The following CATSPERB variants were observed in gnomAD, a reference collection of about 807,000 sequenced individuals.
CATSPERB encodes cation channel sperm-associated auxiliary subunit beta.
Under a neutral mutation model 128.3 loss-of-function variants are expected in CATSPERB, and 93 were observed. That is an observed-to-expected ratio of 0.72 (90% CI 0.61 to 0.86). The LOEUF (loss-of-function observed/expected upper bound fraction) is 0.86, where lower values mean the gene tolerates loss of function less well. CATSPERB is among the 40% of genes least tolerant of loss of function. The pLI, the probability that CATSPERB is intolerant of heterozygous loss-of-function variation, is 0.00. For missense variants in CATSPERB, 1,153 were observed against 1,329.5 expected, an observed-to-expected ratio of 0.87 and a Z score of 2.06; for synonymous variants, 381 against 448.8, an observed-to-expected ratio of 0.85 and a Z score of 1.91.
intron 17 of CATSPERB, among the ~76,000 whole-genome samples, chr14:91,631,820 C>G (rs1894283693): frequency 1.3e-5 from 2 of 152,050 alleles, no homozygotes; most frequent in African/African-American, 4.8e-5. Flanking sequence ...TAGATACTGA[C>G]TAGACACCCA....
chr14:91,665,623 A>G (rs1894971247), intron 14 of CATSPERB, among the ~76,000 whole-genome samples: 1 of 152,144 alleles, frequency 6.6e-6, no homozygotes, highest in Non-Finnish European at 1.5e-5. Flanking sequence ...TAATCCCAGC[A>G]CTTTGGGAGG....
intron 2 of CATSPERB, among the ~76,000 whole-genome samples, chr14:91,728,851 T>G (rs757645976): frequency 1.2e-4 from 18 of 152,180 alleles, no homozygotes; most frequent in Non-Finnish European, 2.4e-4. Flanking sequence ...CAGAAAAAAA[T>G]GCCATTTATG....
intron 6 of CATSPERB, among the ~76,000 whole-genome samples, chr14:91,706,111 T>G (rs1895727524): frequency 6.6e-6 from 1 of 152,216 alleles, no homozygotes; most frequent in Non-Finnish European, 1.5e-5. Context: ...TCCCCAACTT[T>G]CAATAAAATC....
rs768655600 is a variant in CATSPERB, at chr14:91,589,631, A to G, written c.2859T>C (p.Val953=). The part of the protein sequence containing the change: ...RFKFPITQYP[V]SLEIINEDGR... ...CATCCTCGTTGATAATTTCCAAAGA[A>G]ACTGGATATTGTGTAATTGGAAACT... Residue 953 remains valine (V), a synonymous_variant, in exon 24 of 27, where the codon GTT becomes GTC. Transcript: ENST00000256343. 6.2e-7 allele frequency: 1 copy of G among 1,613,918 alleles called. No individual in the cohort carries two copies. Among genetic ancestry groups the G allele is most frequent in the South Asian group, 1.1e-5 (1 of 91,046 alleles).
chr14:91,688,910 C>T (rs978506217), intron 10 of CATSPERB, among the ~76,000 whole-genome samples: 3 of 152,148 alleles, frequency 2.0e-5, no homozygotes, highest in Non-Finnish European at 4.4e-5. Flanking sequence ...TTGCCTTATC[C>T]ACCAGCGACT....
chr14:91,728,682 C>T (rs887648275), intron 2 of CATSPERB, among the ~76,000 whole-genome samples: 5 of 152,176 alleles, frequency 3.3e-5, no homozygotes, highest in Non-Finnish European at 5.9e-5. Context: ...ATTACTCTTT[C>T]GCAAGCTTCT....
At chr14:91,725,828 G>A (rs1896110780) in intron 2 of CATSPERB, among the ~76,000 whole-genome samples, 1 of 152,174 alleles carries the variant, frequency 6.6e-6, no homozygotes, top group Admixed American at 6.5e-5. Context: ...ATGAAAACAG[G>A]CATTTCTGTT....
chr14:91,659,218 T>A (rs933998492), intron 15 of CATSPERB, among the ~76,000 whole-genome samples: 7 of 152,228 alleles, frequency 4.6e-5, no homozygotes, highest in Non-Finnish European at 1.0e-4. Flanking sequence ...ATGACAGATA[T>A]GCTAATTACC....
intron 17 of CATSPERB, among the ~76,000 whole-genome samples, chr14:91,633,563 T>G (rs1018361146): frequency 6.6e-6 from 1 of 151,828 alleles, no homozygotes; most frequent in Non-Finnish European, 1.5e-5. Context: ...GCAAACCGAG[T>G]CCAGAAATGT....
chr14:91,684,363 A>G (rs1421754073), intron 10 of CATSPERB, among the ~76,000 whole-genome samples: 1 of 152,198 alleles, frequency 6.6e-6, no homozygotes, highest in African/African-American at 2.4e-5. Flanking sequence ...AGGTTTTGAA[A>G]ATTGGTCATG....
Position 91,581,036 on chromosome 14 carries a change from T to C in CATSPERB, c.3204A>G (p.Leu1068=), listed in dbSNP as rs1191404552. The part of the protein sequence containing the change: ...TLIAVATAVV[L]GGLIFIAFMF... ...TAAATGCTATAAAAATTAATCCCCC[T>C]AGCACTACCGCTGTTGCCACGGCAA... The change falls in exon 27 of 27, where the codon CTA becomes CTG. Residue 1068 remains leucine, a synonymous_variant. Coordinates refer to ENST00000256343, the MANE Select transcript of CATSPERB (RefSeq NM_024764.4). 6.2e-7 allele frequency: 1 copy of C among 1,613,988 alleles called. No homozygotes were observed. Among genetic ancestry groups the C allele is most frequent in the African/African-American group, 1.3e-5 (1 of 74,944 alleles).
At chr14:91,645,751 C>A (rs1379391651) in intron 15 of CATSPERB, among the ~76,000 whole-genome samples, 76 of 143,940 alleles carry the variant, frequency 5.3e-4, no homozygotes, top group Admixed American at 2.6e-3. Context: ...TCGAGCTTCC[C>A]GGCTGCTTTG....
chr14:91,586,882 T>C (rs1366172750), intron 26 of CATSPERB, among the ~76,000 whole-genome samples: 2 of 152,072 alleles, frequency 1.3e-5, no homozygotes, highest in South Asian at 2.1e-4. Context: ...TTTGGAGAAG[T>C]AGAGGTGAGA....
intron 22 of CATSPERB, among the ~76,000 whole-genome samples, chr14:91,598,331 G>C (rs1893545483): frequency 6.6e-6 from 1 of 150,418 alleles, no homozygotes; most frequent in Admixed American, 6.6e-5. Context: ...TCTTTCTTTA[G>C]CAAGAATGTT....
Position 91,731,575 on chromosome 14 carries a change from A to G in CATSPERB, c.-1+355T>C, listed in dbSNP as rs1209053224. ...TACCTTAAAACATCTAACATATTCT[A>G]TACAGAATAAGCACTTGACAAGTAT... On this transcript the variant is annotated intron_variant, in intron 1 of 26. Transcript: ENST00000256343. Among the ~76,000 whole-genome samples, 5 of 152,332 alleles carry G rather than the reference A, an allele frequency of 3.3e-5. No individual in the cohort carries two copies. In the East Asian group the frequency reaches 9.6e-4, roughly 29 times the overall value.
At chr14:91,666,126 T>C (rs1025541509) in intron 14 of CATSPERB, among the ~76,000 whole-genome samples, 3 of 152,208 alleles carry the variant, frequency 2.0e-5, no homozygotes, top group Non-Finnish European at 4.4e-5. Flanking sequence ...TTCTAGCTAA[T>C]CAAGGGTACA....
At chr14:91,717,407 C>G (rs1042336201) in intron 5 of CATSPERB, among the ~76,000 whole-genome samples, 2 of 152,112 alleles carry the variant, frequency 1.3e-5, no homozygotes, top group Non-Finnish European at 2.9e-5. Context: ...TAGTGTAAAT[C>G]AAGGAGGGGC....
intron 15 of CATSPERB, among the ~76,000 whole-genome samples, chr14:91,658,154 T>C (rs1348021167): frequency 6.6e-6 from 1 of 152,088 alleles, no homozygotes; most frequent in African/African-American, 2.4e-5. Context: ...AACAGATGAA[T>C]GAATAAAGAA....
chr14:91,645,772 C>G (rs1249139129), intron 15 of CATSPERB, among the ~76,000 whole-genome samples: 32 of 147,318 alleles, frequency 2.2e-4, no homozygotes, highest in Middle Eastern at 3.6e-3. Flanking sequence ...TTTACCTAAG[C>G]AAGCCTGGGC....
Sources: allele counts gnomAD v4.1 joint callset (sites outside exome capture counted in the v4.1 genomes callset), GRCh38; gene constraint gnomAD v4.1.1; transcripts MANE v1.5; gene names NCBI Gene and HGNC (gene_info 2026-07-23, HGNC 2026-07-21).